The following COPG2 variants were observed in gnomAD, a reference collection of about 807,000 sequenced individuals.
The protein encoded by COPG2 is coat protein complex I subunit gamma 2.
Under a neutral mutation model 46.3 loss-of-function variants are expected in COPG2, and 37 were observed. The observed-to-expected ratio is 0.80, with a 90% confidence interval of 0.61 to 1.05. COPG2 has a LOEUF of 1.05. COPG2 is among the 50% of genes least tolerant of loss of function. The pLI, the probability that COPG2 is intolerant of heterozygous loss-of-function variation, is 0.00. For synonymous variants in COPG2, 159 were observed against 129.7 expected (o/e 1.23, Z -1.53); for missense variants, 427 against 387.8 (o/e 1.10, Z -0.85).
chr7:130,666,950 C>G, intron 2 of COPG2, 21 bp from the exon 3 acceptor site: 1 of 1,334,426 alleles, frequency 7.5e-7, no homozygotes, highest in Non-Finnish European at 1.0e-6. Flanking sequence ...ACATAAAAAA[C>G]ATTGCTACTT....
chr7:130,578,116 G>C (rs1481136935), intron 9 of COPG2, among the ~76,000 whole-genome samples: 3 of 151,838 alleles, frequency 2.0e-5, no homozygotes, highest in African/African-American at 2.4e-5. Context: ...GCTTTGAAGA[G>C]AGCAGTGGTT....
At chr7:130,607,026 A>G (rs1794746484) in intron 9 of COPG2, among the ~76,000 whole-genome samples, 1 of 152,002 alleles carries the variant, frequency 6.6e-6, no homozygotes, top group African/African-American at 2.4e-5. Flanking sequence ...TGATTGCTTG[A>G]GCTCAGGAGT....
intron 4 of COPG2, 62 bp downstream of exon 4, chr7:130,662,881 CTCCCTAATTTAGAACACTCTTAGT>C: frequency 2.7e-6 from 2 of 741,492 alleles, no homozygotes; most frequent in Admixed American, 5.7e-5. Flanking sequence ...TCAAGCAATG[CTCCCTAATTTAGAACACTCTTAGT>C]TCCCTGGGGA....
intron 9 of COPG2, among the ~76,000 whole-genome samples, chr7:130,578,869 T>A (rs1400657714): frequency 6.7e-6 from 1 of 149,174 alleles, no homozygotes; most frequent in Non-Finnish European, 1.5e-5. Flanking sequence ...AATCTACATC[T>A]GATTGGTGTA....
At chr7:130,575,191 G>C (rs188078392) in intron 9 of COPG2, among the ~76,000 whole-genome samples, 21 of 152,250 alleles carry the variant, frequency 1.4e-4, no homozygotes, top group African/African-American at 5.1e-4. Context: ...CCAAATACAA[G>C]AAGCACAAAG....
chr7:130,635,653 A>C (rs145373163), intron 5 of COPG2, among the ~76,000 whole-genome samples: 21,979 of 152,174 alleles, frequency 0.14, 2,161 homozygotes, highest in Non-Finnish European at 0.22. Flanking sequence ...TCAAAAAACC[A>C]GCTCCTGGAT....
At position 130,535,428 on chromosome 7, in the gene COPG2, C is replaced by T. The variant is rs1395987231; in HGVS notation, c.2149+12246G>A. Among the ~76,000 whole-genome samples, 394 of 151,474 alleles carry T rather than the reference C, an allele frequency of 2.6e-3. 6 individuals carry two copies. The highest frequency in any genetic ancestry group is 2.8e-4 in the Non-Finnish European group (19 of 67,862). The stretch of plus-strand genomic sequence containing the variant: ...ATAAGCAGGACAGCCACAGGTGAAG[C>T]GAGGTGAAGGGGGAGGTCCCAGAGT... On this transcript the variant is annotated intron_variant, in intron 20 of 23. Transcript: ENST00000425248.
intron 9 of COPG2, among the ~76,000 whole-genome samples, chr7:130,590,027 A>G (rs1018103738): frequency 3.9e-4 from 60 of 152,246 alleles, no homozygotes; most frequent in African/African-American, 1.3e-3. Flanking sequence ...AAAACTATCA[A>G]TATTTTATTT....
chr7:130,609,512 A>C (rs1268305550), intron 9 of COPG2, among the ~76,000 whole-genome samples: 2 of 152,164 alleles, frequency 1.3e-5, no homozygotes, highest in Admixed American at 1.3e-4. Context: ...TTCCTTTTGT[A>C]AATTGCCCAG....
chr7:130,651,463 C>T (rs371481463), intron 5 of COPG2, among the ~76,000 whole-genome samples: 5 of 142,060 alleles, frequency 3.5e-5, no homozygotes, highest in East Asian at 4.2e-4. Context: ...ATTACAGGAG[C>T]GTGCTACCAA....
chr7:130,583,558 G>A (rs1253022771), intron 9 of COPG2, among the ~76,000 whole-genome samples: 4 of 136,750 alleles, frequency 2.9e-5, no homozygotes, highest in African/African-American at 1.1e-4. Context: ...TGTAATCCCA[G>A]CACTTTGGGA....
At chr7:130,599,434 G>C (rs145997323) in intron 9 of COPG2, among the ~76,000 whole-genome samples, 29,437 of 152,014 alleles carry the variant, frequency 0.19, 3,029 homozygotes, top group Middle Eastern at 0.25. Context: ...ACCCGCATTG[G>C]GTATGAGTGG....
At chr7:130,653,124 T>C (rs1444794805) in intron 4 of COPG2, among the ~76,000 whole-genome samples, 176 bp from the exon 5 acceptor site, 4 of 152,212 alleles carry the variant, frequency 2.6e-5, no homozygotes, top group African/African-American at 9.6e-5. Context: ...ATACTAATAT[T>C]TCCTAAACAC....
rs1027887813 is a variant in COPG2, at chr7:130,611,163, T to G, written c.580-53A>C. The G allele has an allele frequency of 2.7e-6, 4 of 1,498,492 alleles. No homozygotes were observed. In the Admixed American group the frequency reaches 5.7e-5, roughly 21 times the overall value. The allele number at this position is 1,498,492 out of a possible 1,614,324, so 92.8% of individuals were successfully genotyped here. On this transcript the variant is annotated intron_variant, in intron 8 of 23. Coordinates refer to ENST00000425248, the MANE Select transcript of COPG2 (RefSeq NM_012133.6). ...CATGGATTAGAAAGATGTCAAAATA[T>G]TTACACAAAAATAGAATTACACGGA...
At chr7:130,513,306 AAAATATATAT>A (rs1296135360) in intron 20 of COPG2, among the ~76,000 whole-genome samples, 6 of 49,018 alleles carry the variant, frequency 1.2e-4, no homozygotes, top group Admixed American at 3.0e-4. Flanking sequence ...AAAAAAAAAA[AAAATATATAT>A]ATATATATAT....
At chr7:130,570,419 G>A (rs1793875783) in intron 9 of COPG2, among the ~76,000 whole-genome samples, 1 of 152,140 alleles carries the variant, frequency 6.6e-6, no homozygotes, top group African/African-American at 2.4e-5. Context: ...TGAGCCAGCA[G>A]AGAATCAAAT....
At chr7:130,629,455 T>C (rs962384348) in intron 5 of COPG2, among the ~76,000 whole-genome samples, 2 of 151,012 alleles carry the variant, frequency 1.3e-5, no homozygotes, top group Non-Finnish European at 3.0e-5. Context: ...AATGCAGTGG[T>C]GTGATCTCGG....
At chr7:130,523,119 C>CACAAAAAAAAAA (rs1799738848) in intron 20 of COPG2, among the ~76,000 whole-genome samples, 1 of 57,522 alleles carries the variant, frequency 1.7e-5, no homozygotes, top group Non-Finnish European at 2.9e-5. Flanking sequence ...ACTCTTCTCT[C>CACAAAAAAAAAA]AAAAAAAAAA....
intron 9 of COPG2, among the ~76,000 whole-genome samples, chr7:130,583,342 TGTGGGGG>T (rs1206728100): frequency 1.1e-5 from 1 of 89,434 alleles, no homozygotes; most frequent in Non-Finnish European, 2.1e-5. Context: ...CTCTGGGGAC[TGTGGGGG>T]GTGGGGGGAG....
Sources: allele counts gnomAD v4.1 joint callset (sites outside exome capture counted in the v4.1 genomes callset), GRCh38; gene constraint gnomAD v4.1.1; transcripts MANE v1.5; gene names NCBI Gene and HGNC (gene_info 2026-07-23, HGNC 2026-07-21).